Variants in SPPL3 observed in about 807,000 individuals in gnomAD.
The protein encoded by SPPL3 is signal peptide peptidase like 3, also known as signal peptide peptidase-like 3.
In SPPL3, 5 loss-of-function variants were observed where a neutral mutation model predicts 42.4. The observed-to-expected ratio is 0.12, with a 90% CI of 0.06 to 0.25. The LOEUF is 0.25. Among genes scored for constraint, SPPL3 ranks in the 10% least tolerant of loss-of-function variants. The pLI, the probability that SPPL3 is intolerant of heterozygous loss-of-function variation, is 1.00. For missense variants in SPPL3, 235 were observed against 489.0 expected, an observed-to-expected ratio of 0.48 and a Z score of 4.90; for synonymous variants, 195 against 181.8, an observed-to-expected ratio of 1.07 and a Z score of -0.58.
At chr12:120,875,258 GAAAA>G (rs1009219403) in intron 1 of SPPL3, among the ~76,000 whole-genome samples, 1 of 151,790 alleles carries the variant, frequency 6.6e-6, no homozygotes, top group African/African-American at 2.4e-5. Flanking sequence ...AACTAAAACA[GAAAA>G]AAATTAAAAT....
At chr12:120,859,203 G>A (rs1181235258) in intron 1 of SPPL3, among the ~76,000 whole-genome samples, 4 of 151,986 alleles carry the variant, frequency 2.6e-5, no homozygotes, top group Admixed American at 2.6e-4. Flanking sequence ...CAGAATATTT[G>A]TATTATACTT....
rs1255617388 is a variant in SPPL3, at chr12:120,779,956, C to A, written c.502+2699G>T. 2.0e-5 allele frequency among the ~76,000 whole-genome samples: 3 copies of A among 150,890 alleles called. No homozygotes were observed. In the East Asian group the frequency reaches 5.8e-4, roughly 29 times the overall value. Reference sequence around the variant, plus strand: ...GAGGTTGCAGTGAGCTGAGATCGTGCCACTGCACTCCAGCCTGGGCAACAG... The same window carrying A: ...GAGGTTGCAGTGAGCTGAGATCGTGACACTGCACTCCAGCCTGGGCAACAG... On this transcript the variant is annotated intron_variant, in intron 6 of 10. Coordinates refer to ENST00000353487, the MANE Select transcript of SPPL3 (RefSeq NM_139015.5).
At chr12:120,870,313 C>T (rs1169636419) in intron 1 of SPPL3, among the ~76,000 whole-genome samples, 6 of 152,024 alleles carry the variant, frequency 3.9e-5, no homozygotes, top group Admixed American at 6.6e-5. Context: ...GTCGTGGTGG[C>T]GCATGCCTGT....
At position 120,791,620 on chromosome 12, in the gene SPPL3, A is replaced by G. The variant is rs1040646189; in HGVS notation, c.102-63T>C. ...CTTACAAAAGAAGGTCAGAAAAGTC[A>G]TATGACAATATTTTTAAATGCCAAG... On this transcript the variant is annotated intron_variant, in intron 2 of 10. Transcript: ENST00000353487. 17 of 1,064,434 alleles carry G rather than the reference A, an allele frequency of 1.6e-5. No homozygotes were observed. The East Asian group carries it at 3.4e-4, about 21-fold the overall frequency. 65.9% of individuals were successfully genotyped at this position (1,064,434 alleles called of 1,614,324 possible). A position where few individuals can be genotyped will look rare whatever the true frequency, so the allele number is the denominator to read the frequency against.
chr12:120,780,630 G>A (rs1869496185), intron 6 of SPPL3, among the ~76,000 whole-genome samples: 2 of 149,298 alleles, frequency 1.3e-5, no homozygotes, highest in Admixed American at 1.3e-4. Context: ...GCTCACGCCT[G>A]TAATCCCAGA....
At chr12:120,882,239 G>A (rs1016121112) in intron 1 of SPPL3, among the ~76,000 whole-genome samples, 56 of 152,020 alleles carry the variant, frequency 3.7e-4, no homozygotes, top group Non-Finnish European at 8.8e-5. Context: ...CAGTACTATC[G>A]GCAGTTTCAA....
intron 1 of SPPL3, among the ~76,000 whole-genome samples, chr12:120,819,842 CCTGGTG>C (rs149175561): frequency 0.02 from 3,007 of 152,262 alleles, 110 homozygotes; most frequent in African/African-American, 0.068. Context: ...AAGCTGGGTG[CCTGGTG>C]ATGGAGAACA....
chr12:120,884,629 ATC>A (rs371083023), intron 1 of SPPL3, among the ~76,000 whole-genome samples: 4 of 150,650 alleles, frequency 2.7e-5, no homozygotes, highest in Admixed American at 6.6e-5. Context: ...TTAATGAAAG[ATC>A]TCTCTGTGTT....
intron 6 of SPPL3, among the ~76,000 whole-genome samples, chr12:120,778,360 G>A (rs893151772): frequency 2.0e-5 from 3 of 151,782 alleles, no homozygotes; most frequent in Non-Finnish European, 4.4e-5. Flanking sequence ...CAGGTGATGC[G>A]CCTGCCTCAG....
chr12:120,815,166 G>A (rs1007565838), intron 1 of SPPL3, among the ~76,000 whole-genome samples: 1 of 152,096 alleles, frequency 6.6e-6, no homozygotes, highest in Admixed American at 6.6e-5. Flanking sequence ...TGGCTCAAAG[G>A]GGAAATGCAC....
intron 2 of SPPL3, among the ~76,000 whole-genome samples, chr12:120,802,899 T>G (rs1376406519): frequency 6.6e-6 from 1 of 152,206 alleles, no homozygotes; most frequent in Non-Finnish European, 1.5e-5. Flanking sequence ...ACCTTCAATT[T>G]TGGCAAAACT....
chr12:120,820,851 G>A (rs1197529092), intron 1 of SPPL3, among the ~76,000 whole-genome samples: 3 of 152,140 alleles, frequency 2.0e-5, no homozygotes, highest in Non-Finnish European at 1.5e-5. Flanking sequence ...CCAACACTCT[G>A]GGAGGCTGAG....
rs543970165 is a variant in SPPL3, at chr12:120,805,935, CATT to C, written c.101+4871_101+4873del. 1.8e-3 allele frequency among the ~76,000 whole-genome samples: 265 copies of C among 149,262 alleles called. 1 individual carries two copies. Among genetic ancestry groups the C allele is most frequent in the African/African-American group, 6.2e-3 (252 of 40,916 alleles). On this transcript the variant is annotated intron_variant, in intron 2 of 10. Transcript: ENST00000353487. Reference sequence around the variant, plus strand: ...ACATCCATGGATTGGAAGTGAACATCATTAAGATAGCAATTTTCCTCAAACTGA... The same window carrying C: ...ACATCCATGGATTGGAAGTGAACATCAAGATAGCAATTTTCCTCAAACTGA...
At chr12:120,797,540 T>C (rs1421504533) in intron 2 of SPPL3, among the ~76,000 whole-genome samples, 2 of 152,180 alleles carry the variant, frequency 1.3e-5, no homozygotes, top group African/African-American at 2.4e-5. Context: ...TGTGGGATGG[T>C]AATTCAGTCT....
Position 120,769,025 on chromosome 12 carries a change from G to A in SPPL3, c.537C>T (p.Ala179=), listed in dbSNP as rs773557756. Residue 179 remains alanine (A), a synonymous_variant, in exon 7 of 11, where the codon GCC becomes GCT. Transcript: ENST00000353487. Reference sequence around the variant, plus strand: ...CCTTGAGGCTCGGCAGGCGGACAAAGGCGATCATGGCGACACAGAGGCCCA... The same window carrying A: ...CCTTGAGGCTCGGCAGGCGGACAAAAGCGATCATGGCGACACAGAGGCCCA... ...LAMGLCVAMI[A]FVRLPSLKVS... 5.6e-6 allele frequency: 9 copies of A among 1,605,510 alleles called. No individual in the cohort carries two copies. The highest frequency in any genetic ancestry group is 3.4e-5 in the South Asian group (3 of 88,796).
chr12:120,784,619 A>G (rs759316407), intron 3 of SPPL3, 26 bp from the exon 4 acceptor site: 1 of 1,579,540 alleles, frequency 6.3e-7, no homozygotes, highest in Non-Finnish European at 8.6e-7. Context: ...AGACAGATTA[A>G]TAACTTATTA....
chr12:120,839,469 T>G (rs1175030889), intron 1 of SPPL3, among the ~76,000 whole-genome samples: 1 of 151,934 alleles, frequency 6.6e-6, no homozygotes, highest in Admixed American at 6.6e-5. Context: ...GTAACTAACC[T>G]GTACATTGTG....
chr12:120,869,236 C>A (rs560775222), intron 1 of SPPL3, among the ~76,000 whole-genome samples: 2 of 152,124 alleles, frequency 1.3e-5, no homozygotes, highest in East Asian at 1.9e-4. Flanking sequence ...GACTACGATA[C>A]CATGAGGAGT....
At chr12:120,820,745 A>G (rs1871040445) in intron 1 of SPPL3, among the ~76,000 whole-genome samples, 1 of 152,228 alleles carries the variant, frequency 6.6e-6, no homozygotes, top group Non-Finnish European at 1.5e-5. Flanking sequence ...ATGAAATAAA[A>G]ATTTAATACA....
Sources: allele counts gnomAD v4.1 joint callset (sites outside exome capture counted in the v4.1 genomes callset), GRCh38; gene constraint gnomAD v4.1.1; transcripts MANE v1.5; gene names NCBI Gene and HGNC (gene_info 2026-07-23, HGNC 2026-07-21).